Variants in PREX1 observed in about 807,000 individuals in gnomAD.
PREX1 encodes phosphatidylinositol 3,4,5-trisphosphate-dependent Rac exchanger 1 protein.
Under a neutral mutation model 198.3 loss-of-function variants are expected in PREX1, and 41 were observed. That is an observed-to-expected ratio of 0.21 (90% CI 0.16 to 0.27). The LOEUF is 0.27. Ranked by LOEUF, PREX1 falls within the 10% of genes least tolerant of loss-of-function variation. The pLI is 1.00. For synonymous variants in PREX1, 843 were observed against 887.2 expected, an observed-to-expected ratio of 0.95 and a Z score of 0.89; for missense variants, 1,620 against 2,200.7, an observed-to-expected ratio of 0.74 and a Z score of 5.28.
At chr20:48,821,839 A>C (rs1384622607) in intron 1 of PREX1, 1 of 152,230 alleles carries the variant, frequency 6.6e-6, no homozygotes, top group Admixed American at 6.5e-5. Context: ...GTCTTCTTAA[A>C]GTGACAGTTA....
chr20:48,854,279 C>T, the PREX1 span, among the ~76,000 whole-genome samples: 28 of 152,154 alleles, frequency 1.8e-4, no homozygotes, highest in Non-Finnish European at 3.8e-4. Context: ...GACTCTAGGT[C>T]GGAACTCAAG....
chr20:48,882,525 A>AAAAG, the PREX1 span, among the ~76,000 whole-genome samples: 6,266 of 96,968 alleles, frequency 0.065, 1,125 homozygotes, highest in African/African-American at 0.2. Flanking sequence ...AAAAAAAAAA[A>AAAAG]AGAGAGAATC....
At chr20:48,637,654 C>T (rs1047053284) in intron 31 of PREX1, 57 bp downstream of exon 31, 112 of 1,514,262 alleles carry the variant, frequency 7.4e-5, no homozygotes, top group African/African-American at 9.6e-5. Context: ...GGATGGTCGG[C>T]CTTGGGTGGT....
At chr20:48,627,703 C>T in intron 38 of PREX1, 88 bp from the exon 39 acceptor site, 5 of 1,476,018 alleles carry the variant, frequency 3.4e-6, no homozygotes, top group African/African-American at 1.4e-5. Context: ...GGCCCAGAAG[C>T]CCAAGGACCC....
intron 14 of PREX1, among the ~76,000 whole-genome samples, chr20:48,673,660 C>T (rs1479086452): frequency 2.6e-5 from 4 of 151,708 alleles, no homozygotes; most frequent in African/African-American, 7.2e-5. Context: ...GTAGCAAATT[C>T]AGAAGGCGGG....
chr20:48,672,028 G>A (rs2089678623), intron 14 of PREX1, among the ~76,000 whole-genome samples: 1 of 152,226 alleles, frequency 6.6e-6, no homozygotes, highest in South Asian at 2.1e-4. Flanking sequence ...GCTACTCCAA[G>A]GGGCCTCTGG....
chr20:48,837,558 C>G, the PREX1 span, among the ~76,000 whole-genome samples: 1 of 152,172 alleles, frequency 6.6e-6, no homozygotes, highest in African/African-American at 2.4e-5. Context: ...CCTTAGCAAT[C>G]TAAAGCAGGA....
intron 5 of PREX1, among the ~76,000 whole-genome samples, chr20:48,722,847 C>T (rs1568839504): frequency 6.6e-6 from 1 of 152,248 alleles, no homozygotes; most frequent in Non-Finnish European, 1.5e-5. Flanking sequence ...AGGGGCAGGG[C>T]CCGGGTCTGT....
At chr20:48,802,123 C>G (rs949951754) in intron 1 of PREX1, among the ~76,000 whole-genome samples, 13 of 152,082 alleles carry the variant, frequency 8.5e-5, no homozygotes, top group African/African-American at 3.1e-4. Flanking sequence ...ACTAAGACAC[C>G]CTGCACACAC....
chr20:48,732,455 T>C (rs2090038550), intron 4 of PREX1, among the ~76,000 whole-genome samples: 1 of 152,168 alleles, frequency 6.6e-6, no homozygotes, highest in South Asian at 2.1e-4. Context: ...GTTCTACTTT[T>C]ATATACTGAA....
chr20:48,832,307 T>C (rs1276300223), upstream of PREX1, among the ~76,000 whole-genome samples: 1 of 152,030 alleles, frequency 6.6e-6, no homozygotes, highest in Non-Finnish European at 1.5e-5. Context: ...AACATCAGAG[T>C]TTCTTATTCC....
chr20:48,754,700 G>A (rs2090149182), intron 1 of PREX1, among the ~76,000 whole-genome samples: 1 of 147,544 alleles, frequency 6.8e-6, no homozygotes. Flanking sequence ...GGGAAGCGAT[G>A]AGTGGGGGTG....
rs71827793 is a variant in PREX1, at chr20:48,730,413, C to CCACACACACA, written c.520-4032_520-4023dup. 4.2e-4 allele frequency among the ~76,000 whole-genome samples: 61 copies of CCACACACACA among 146,794 alleles called. No homozygotes were observed. In the South Asian group the frequency reaches 0.01, roughly 25 times the overall value. ...CAGACATCATGCTGCGCAAAAGCCA[C>CCACACACACA]CACACACACACACACACACACACAC... On this transcript the variant is annotated intron_variant, in intron 4 of 39. Coordinates refer to ENST00000371941, the MANE Select transcript of PREX1 (RefSeq NM_020820.4).
intron 22 of PREX1, 73 bp downstream of exon 22, chr20:48,651,323 T>C: frequency 6.6e-7 from 1 of 1,516,928 alleles, no homozygotes. Context: ...CAACTCCTTC[T>C]CCCAACCTTT....
At chr20:48,851,244 C>T in the PREX1 span, among the ~76,000 whole-genome samples, 66 of 152,268 alleles carry the variant, frequency 4.3e-4, no homozygotes, top group South Asian at 2.1e-4. Context: ...TGGTGGTTCA[C>T]GCCTGTAATC....
intron 1 of PREX1, among the ~76,000 whole-genome samples, chr20:48,820,753 G>A (rs1336149889): frequency 1.3e-5 from 2 of 152,152 alleles, no homozygotes; most frequent in Non-Finnish European, 2.9e-5. Flanking sequence ...AGAGGCCAGC[G>A]ATGCTGCTAA....
At position 48,827,590 on chromosome 20, in the gene PREX1, G is replaced by T; in HGVS notation, c.219+52C>A. The T allele has an allele frequency of 1.7e-6, 2 of 1,179,228 alleles. No individual in the cohort carries two copies. The highest frequency in any genetic ancestry group is 3.4e-5 in the East Asian group (1 of 29,642). 73.0% of individuals were successfully genotyped at this position (1,179,228 alleles called of 1,614,324 possible). ...GGCCACAGGTTGTGGGGACCGCAGC[G>T]GGGCGAGCGGCTGGAGGGAAAGCTG... On this transcript the variant is annotated intron_variant, in intron 1 of 39. Coordinates refer to ENST00000371941, the MANE Select transcript of PREX1 (RefSeq NM_020820.4). This position sits in a 1 kb window ranked among gnomAD's most constrained non-coding sequence, Gnocchi z 4.1.
At chr20:48,669,422 T>C (rs2089660671) in intron 14 of PREX1, among the ~76,000 whole-genome samples, 2 of 152,226 alleles carry the variant, frequency 1.3e-5, no homozygotes, top group Admixed American at 1.3e-4. Flanking sequence ...CACCCATGTA[T>C]ACATTTTGCT....
At chr20:48,736,635 T>C (rs1473837297) in intron 3 of PREX1, among the ~76,000 whole-genome samples, 1 of 152,296 alleles carries the variant, frequency 6.6e-6, no homozygotes, top group Non-Finnish European at 1.5e-5. Context: ...AGGGGATCAC[T>C]CAGCCGTAGG....
Sources: gnomAD v4.1 joint callset for allele counts (sites outside exome capture counted in the v4.1 genomes callset) on GRCh38, gnomAD v4.1.1 for gene constraint, Gnocchi (gnomAD v3.1) non-coding constraint, MANE v1.5 for transcripts, NCBI Gene and HGNC (gene_info 2026-07-23, HGNC 2026-07-21) for gene names.